CNTN5: variants seen among roughly 807,000 people sequenced by gnomAD.
CNTN5 encodes the protein contactin-5.
A neutral mutation model predicts 129.1 loss-of-function variants in CNTN5; 77 were observed. The observed-to-expected ratio is 0.60, with a 90% confidence interval of 0.50 to 0.72. The LOEUF is 0.72. Ranked by LOEUF, CNTN5 falls within the 30% of genes least tolerant of loss-of-function variation. The pLI is 0.00. For synonymous variants in CNTN5, 509 were observed against 465.6 expected, an observed-to-expected ratio of 1.09 and a Z score of -1.20; for missense variants, 1,478 against 1,328.8, an observed-to-expected ratio of 1.11 and a Z score of -1.75.
intron 7 of CNTN5, among the ~76,000 whole-genome samples, chr11:99,947,742 C>T (rs952280509): frequency 6.6e-6 from 1 of 152,044 alleles, no homozygotes; most frequent in Non-Finnish European, 1.5e-5. Context: ...ACTCACCTAC[C>T]TATAAGGGGG....
At chr11:99,969,013 G>T (rs569928696) in intron 8 of CNTN5, among the ~76,000 whole-genome samples, 2 of 151,908 alleles carry the variant, frequency 1.3e-5, no homozygotes, top group African/African-American at 2.4e-5. Context: ...AATTTTGGAC[G>T]ATTTTTGAAT....
chr11:100,334,483 G>A (rs535929098), intron 21 of CNTN5, among the ~76,000 whole-genome samples: 16 of 152,164 alleles, frequency 1.1e-4, no homozygotes, highest in African/African-American at 3.6e-4. Context: ...TTGCACACAC[G>A]TTTATAGCAG....
At chr11:99,874,349 T>G (rs1354959965) in intron 6 of CNTN5, among the ~76,000 whole-genome samples, 1 of 152,178 alleles carries the variant, frequency 6.6e-6, no homozygotes, top group Non-Finnish European at 1.5e-5. Context: ...ATTTTTCTGA[T>G]TAGACACACA....
chr11:99,964,617 C>G (rs1315347437), intron 8 of CNTN5, among the ~76,000 whole-genome samples: 4 of 149,898 alleles, frequency 2.7e-5, no homozygotes, highest in Non-Finnish European at 5.9e-5. Context: ...GTCTAAAATT[C>G]TCTTTTTTTT....
chr11:99,703,575 G>C (rs369473271), intron 3 of CNTN5, among the ~76,000 whole-genome samples: 1 of 150,774 alleles, frequency 6.6e-6, no homozygotes, highest in Non-Finnish European at 1.5e-5. Flanking sequence ...TGAAGATGAG[G>C]AAATTTGTAA....
At chr11:99,212,410 T>A (rs1261012914) in intron 1 of CNTN5, among the ~76,000 whole-genome samples, 2 of 152,146 alleles carry the variant, frequency 1.3e-5, no homozygotes, top group Admixed American at 1.3e-4. Flanking sequence ...TTCTTATAAG[T>A]CTTTTGACTA....
chr11:99,399,932 T>C (rs1001967485), intron 2 of CNTN5, among the ~76,000 whole-genome samples: 6 of 152,102 alleles, frequency 3.9e-5, no homozygotes, highest in Non-Finnish European at 7.4e-5. Flanking sequence ...AGGCATGCAA[T>C]GTGTAATAAT....
At chr11:99,521,066 C>A (rs1186122661) in intron 2 of CNTN5, among the ~76,000 whole-genome samples, 1 of 152,082 alleles carries the variant, frequency 6.6e-6, no homozygotes, top group Non-Finnish European at 1.5e-5. Flanking sequence ...GAGCCAGAAC[C>A]AAAACCCAAG....
chr11:99,995,954 C>T (rs76846931), intron 8 of CNTN5, among the ~76,000 whole-genome samples: 166 of 152,232 alleles, frequency 1.1e-3, no homozygotes, highest in South Asian at 3.3e-3. Context: ...TCATCCTGAG[C>T]GTCATTCTCT....
chr11:100,245,873 GA>G (rs1371624398), intron 16 of CNTN5, among the ~76,000 whole-genome samples: 7 of 151,940 alleles, frequency 4.6e-5, no homozygotes, highest in African/African-American at 1.7e-4. Flanking sequence ...TTCATTTTTG[GA>G]AAAGGGGTAT....
chr11:99,023,553 A>G (rs1440471036), intron 1 of CNTN5, among the ~76,000 whole-genome samples: 1 of 152,182 alleles, frequency 6.6e-6, no homozygotes, highest in African/African-American at 2.4e-5. Flanking sequence ...AAAAATGATG[A>G]AAACTTCTCT....
At chr11:100,333,863 C>T (rs899268554) in intron 21 of CNTN5, among the ~76,000 whole-genome samples, 8 of 152,144 alleles carry the variant, frequency 5.3e-5, no homozygotes, top group Non-Finnish European at 1.0e-4. Context: ...CCCTTCTAGA[C>T]ATCAGCTTAG....
intron 21 of CNTN5, among the ~76,000 whole-genome samples, chr11:100,320,267 GTTTTCC>G (rs1441576744): frequency 1.3e-5 from 2 of 151,954 alleles, no homozygotes; most frequent in African/African-American, 2.4e-5. Flanking sequence ...TCTCATTGTG[GTTTTCC>G]TTTTCATTTC....
chr11:99,349,975 A>C (rs1397432907), intron 2 of CNTN5, among the ~76,000 whole-genome samples: 1 of 152,186 alleles, frequency 6.6e-6, no homozygotes, highest in Admixed American at 6.5e-5. Flanking sequence ...ACCTATATAC[A>C]TAATTAGAAT....
At chr11:99,202,759 T>C (rs888815090) in intron 1 of CNTN5, among the ~76,000 whole-genome samples, 1 of 150,766 alleles carries the variant, frequency 6.6e-6, no homozygotes, top group Non-Finnish European at 1.5e-5. Flanking sequence ...TGTTTTTAAA[T>C]ATATGTATAT....
At position 99,957,024 on chromosome 11, in the gene CNTN5, C is replaced by T; in HGVS notation, c.877+15C>T. On this transcript the variant is annotated intron_variant, in intron 8 of 24. Transcript: ENST00000524871. The stretch of plus-strand genomic sequence containing the variant: ...GCGTAATGATGGTAAGTTGCTTGGC[C>T]CGTTAAAATGGTCAGCCAACTCTAA... 3 of 1,608,012 alleles carry T rather than the reference C, an allele frequency of 1.9e-6. No homozygotes were observed. Among genetic ancestry groups the T allele is most frequent in the Non-Finnish European group, 2.6e-6 (3 of 1,176,106 alleles).
intron 1 of CNTN5, among the ~76,000 whole-genome samples, chr11:99,107,397 T>C (rs1476086907): frequency 1.3e-5 from 2 of 152,118 alleles, no homozygotes; most frequent in Non-Finnish European, 2.9e-5. Context: ...CACTGAAAAA[T>C]GTATGGAGTA....
At chr11:99,435,005 C>A (rs1312861938) in intron 2 of CNTN5, among the ~76,000 whole-genome samples, 1 of 152,038 alleles carries the variant, frequency 6.6e-6, no homozygotes, top group East Asian at 1.9e-4. Context: ...AATCATCAAC[C>A]ATTTAGTCAA....
intron 2 of CNTN5, among the ~76,000 whole-genome samples, chr11:99,423,681 T>C (rs1942994734): frequency 1.3e-5 from 2 of 152,230 alleles, no homozygotes; most frequent in Admixed American, 1.3e-4. Flanking sequence ...TGGTGATCCA[T>C]TTAAAATGCA....
Sources: allele counts gnomAD v4.1 joint callset (sites outside exome capture counted in the v4.1 genomes callset), GRCh38; gene constraint gnomAD v4.1.1; transcripts MANE v1.5; gene names NCBI Gene and HGNC (gene_info 2026-07-23, HGNC 2026-07-21).